The following RASAL2 variants were observed in gnomAD, a reference collection of about 807,000 sequenced individuals.
RASAL2 encodes RAS protein activator like 2.
Under a neutral mutation model 128.9 loss-of-function variants are expected in RASAL2, and 58 were observed. The ratio of observed to expected loss-of-function variants is 0.45; its 90% CI spans 0.36 to 0.56. The LOEUF (loss-of-function observed/expected upper bound fraction) is 0.56. Among genes scored for constraint, RASAL2 ranks in the 20% least tolerant of loss-of-function variants. The pLI is 0.00. For missense variants in RASAL2, 1,360 were observed against 1,601.6 expected (o/e 0.85, Z 2.57); for synonymous variants, 561 against 580.8 (o/e 0.97, Z 0.49).
chr1:178,120,651 T>C (rs905647742), intron 1 of RASAL2, among the ~76,000 whole-genome samples: 6 of 152,184 alleles, frequency 3.9e-5, no homozygotes, highest in African/African-American at 1.2e-4. Flanking sequence ...CTGCAAGCAA[T>C]TGATTTATTA....
intron 12 of RASAL2, among the ~76,000 whole-genome samples, chr1:178,454,964 A>T (rs1001053608): frequency 1.3e-5 from 2 of 152,188 alleles, no homozygotes; most frequent in South Asian, 4.1e-4. Context: ...AGCCTTATGC[A>T]TGTCTAATAG....
chr1:178,225,014 A>C (rs1663739549), intron 1 of RASAL2, among the ~76,000 whole-genome samples: 1 of 152,146 alleles, frequency 6.6e-6, no homozygotes, highest in Non-Finnish European at 1.5e-5. Context: ...TAATTTAAGC[A>C]GGTCATGGAA....
intron 1 of RASAL2, among the ~76,000 whole-genome samples, chr1:178,106,168 A>AT (rs1056791122): frequency 1.3e-5 from 2 of 152,098 alleles, no homozygotes; most frequent in African/African-American, 2.4e-5. Flanking sequence ...TTGTAATGAA[A>AT]TTTTTTTAAT....
intron 3 of RASAL2, among the ~76,000 whole-genome samples, chr1:178,387,337 T>C (rs2102592163): frequency 6.6e-6 from 1 of 152,280 alleles, no homozygotes; most frequent in South Asian, 2.1e-4. Context: ...ATCAGCATTG[T>C]ATTTTTTCCC....
chr1:178,124,334 G>C (rs1659817887), intron 1 of RASAL2, among the ~76,000 whole-genome samples: 2 of 152,098 alleles, frequency 1.3e-5, no homozygotes, highest in Admixed American at 1.3e-4. Flanking sequence ...GGAGTAGGGG[G>C]GTGGGGAGCC....
intron 3 of RASAL2, among the ~76,000 whole-genome samples, chr1:178,369,808 A>C (rs1404221933): frequency 1.2e-4 from 18 of 152,214 alleles, no homozygotes; most frequent in Admixed American, 1.2e-3. Flanking sequence ...TAGGCATTAA[A>C]ATTTTTTAAA....
intron 14 of RASAL2, among the ~76,000 whole-genome samples, chr1:178,462,426 G>A (rs1390918327): frequency 3.9e-5 from 6 of 152,108 alleles, no homozygotes; most frequent in African/African-American, 1.2e-4. Context: ...ATGCCCATTA[G>A]ATTGACTAAT....
intron 1 of RASAL2, among the ~76,000 whole-genome samples, chr1:178,167,391 AGCTGT>A (rs1661553815): frequency 6.6e-6 from 1 of 152,154 alleles, no homozygotes; most frequent in African/African-American, 2.4e-5. Flanking sequence ...TCAAATATAA[AGCTGT>A]GCTTACTTTT....
chr1:178,318,250 T>C (rs930188858), intron 3 of RASAL2, among the ~76,000 whole-genome samples: 5 of 148,516 alleles, frequency 3.4e-5, no homozygotes, highest in Non-Finnish European at 6.0e-5. Flanking sequence ...GGTGTGGTGC[T>C]GAAAAAAATG....
intron 1 of RASAL2, among the ~76,000 whole-genome samples, chr1:178,257,790 A>G (rs918794702): frequency 6.6e-6 from 1 of 150,650 alleles, no homozygotes; most frequent in Non-Finnish European, 1.5e-5. Flanking sequence ...GCAATGAGCC[A>G]TGATCATGCC....
At chr1:178,465,890 G>C in intron 15 of RASAL2, 30 bp from the exon 16 acceptor site, 1 of 1,447,252 alleles carries the variant, frequency 6.9e-7, no homozygotes, top group African/African-American at 1.5e-5. Context: ...TGTGACTCTA[G>C]TTTTTGTCTC....
chr1:178,443,379 G>A (rs1572084668), intron 8 of RASAL2, 150 bp downstream of exon 8: 2 of 754,124 alleles, frequency 2.7e-6, no homozygotes, highest in East Asian at 5.5e-5. Context: ...ATTAGATCCA[G>A]AAAAGATGAA....
At chr1:178,105,446 A>G (rs10494510) in intron 1 of RASAL2, among the ~76,000 whole-genome samples, 36,730 of 152,088 alleles carry the variant, frequency 0.24, 5,326 homozygotes, top group African/African-American at 0.41. Flanking sequence ...CAATGACTTA[A>G]AGTAGTTTGA....
intron 1 of RASAL2, among the ~76,000 whole-genome samples, chr1:178,193,287 C>T (rs909500055): frequency 6.6e-5 from 10 of 152,106 alleles, no homozygotes; most frequent in Non-Finnish European, 1.2e-4. Context: ...ATAGGATAAA[C>T]GCAAGTCAGG....
At chr1:178,189,774 GT>G (rs1297361544) in intron 1 of RASAL2, among the ~76,000 whole-genome samples, 1 of 151,992 alleles carries the variant, frequency 6.6e-6, no homozygotes, top group Non-Finnish European at 1.5e-5. Context: ...CTATTTATGT[GT>G]TTTTTTCTCA....
intron 1 of RASAL2, among the ~76,000 whole-genome samples, chr1:178,247,603 T>G (rs183205219): frequency 4.6e-5 from 7 of 152,320 alleles, no homozygotes; most frequent in Admixed American, 4.6e-4. Context: ...TTTATTGCCT[T>G]CTGCTGGCTT....
chr1:178,325,622 C>G (rs1011686225), intron 3 of RASAL2, among the ~76,000 whole-genome samples: 5 of 152,036 alleles, frequency 3.3e-5, no homozygotes, highest in African/African-American at 1.2e-4. Context: ...ATAGAAATAG[C>G]CTTGGAGTAG....
intron 1 of RASAL2, among the ~76,000 whole-genome samples, chr1:178,192,193 T>A (rs1662517858): frequency 6.6e-6 from 1 of 152,206 alleles, no homozygotes. Flanking sequence ...TTCGTGGTAC[T>A]CTGTGCTATC....
chr1:178,189,868 G>C (rs1017833118), intron 1 of RASAL2, among the ~76,000 whole-genome samples: 1 of 152,188 alleles, frequency 6.6e-6, no homozygotes, highest in Admixed American at 6.5e-5. Context: ...CACCTGGATA[G>C]AGATGCATGT....
Sources: allele counts gnomAD v4.1 joint callset (sites outside exome capture counted in the v4.1 genomes callset), GRCh38; gene constraint gnomAD v4.1.1; transcripts MANE v1.5; gene names NCBI Gene and HGNC (gene_info 2026-07-23, HGNC 2026-07-21).